KHDRBS2: variants seen among roughly 807,000 people sequenced by gnomAD.
KHDRBS2 encodes KH domain-containing, RNA-binding, signal transduction-associated protein 2.
Under a neutral mutation model 44.3 loss-of-function variants are expected in KHDRBS2, and 26 were observed. That is an observed-to-expected ratio of 0.59 (90% CI 0.43 to 0.81). KHDRBS2 has a LOEUF of 0.81. Among genes scored for constraint, KHDRBS2 ranks in the 40% least tolerant of loss-of-function variants. The probability of loss-of-function intolerance (pLI) is 0.00; values close to 1 mark genes in which losing one functional copy is unlikely to be tolerated. For synonymous variants in KHDRBS2, 194 were observed against 151.1 expected (o/e 1.28, Z -2.08); for missense variants, 476 against 433.1 (o/e 1.10, Z -0.88).
intron 6 of KHDRBS2, among the ~76,000 whole-genome samples, chr6:61,809,411 C>A (rs1787740971): frequency 6.6e-6 from 1 of 152,098 alleles, no homozygotes; most frequent in Non-Finnish European, 1.5e-5. Context: ...ACTTGGGCAA[C>A]TTTTCATGCA....
At chr6:61,800,413 G>T (rs964879097) in intron 6 of KHDRBS2, among the ~76,000 whole-genome samples, 1 of 152,024 alleles carries the variant, frequency 6.6e-6, no homozygotes, top group African/African-American at 2.4e-5. Context: ...TTATGTCTTG[G>T]TTCTCCAAGT....
chr6:61,877,010 G>T (rs558836320), intron 6 of KHDRBS2, among the ~76,000 whole-genome samples: 1 of 152,070 alleles, frequency 6.6e-6, no homozygotes, highest in South Asian at 2.1e-4. Context: ...CTTGCCACCT[G>T]TTTTCATAAA....
At chr6:61,936,309 C>G (rs1428025090) in intron 4 of KHDRBS2, among the ~76,000 whole-genome samples, 1 of 152,042 alleles carries the variant, frequency 6.6e-6, no homozygotes, top group Non-Finnish European at 1.5e-5. Flanking sequence ...AACAGGCAAA[C>G]TGGCTTCAAA....
At chr6:61,561,734 C>T in the KHDRBS2 span, among the ~76,000 whole-genome samples, 11 of 152,132 alleles carry the variant, frequency 7.2e-5, no homozygotes, top group Admixed American at 7.2e-4. Context: ...GGTACTTACC[C>T]CTCAGGGCAG....
At chr6:62,094,498 T>A (rs1800151166) in intron 2 of KHDRBS2, among the ~76,000 whole-genome samples, 1 of 151,960 alleles carries the variant, frequency 6.6e-6, no homozygotes, top group Admixed American at 6.6e-5. Flanking sequence ...CTCTTTGCTC[T>A]GTTGATTATT....
In KHDRBS2 at chr6:61,684,280, C is replaced by T. The variant is rs112228063; in HGVS notation, c.953-3220G>A. ...TCATTGCTCACCAGCGATATTTAGG[C>T]CTCTGGATTTCTTCACTGCAAGTAC... On this transcript the variant is annotated intron_variant, in intron 8 of 8. Coordinates refer to ENST00000281156, the MANE Select transcript of KHDRBS2 (RefSeq NM_152688.4). Among the ~76,000 whole-genome samples, 504 of 151,940 alleles carry T rather than the reference C, an allele frequency of 3.3e-3. 6 individuals are homozygous for T. The highest frequency in any genetic ancestry group is 0.012 in the African/African-American group (487 of 41,508).
At chr6:61,829,307 G>A (rs568809327) in intron 6 of KHDRBS2, among the ~76,000 whole-genome samples, 8 of 152,124 alleles carry the variant, frequency 5.3e-5, no homozygotes, top group Admixed American at 2.6e-4. Context: ...GACTACAGGC[G>A]CCCACCGCCA....
chr6:62,033,055 G>GA lies in KHDRBS2; in HGVS notation c.336+14822dup, dbSNP rs1255265530. 2.6e-5 allele frequency among the ~76,000 whole-genome samples: 4 copies of GA among 151,830 alleles called. No individual in the cohort carries two copies. The East Asian group carries it at 7.8e-4, about 30-fold the overall frequency. ...ATGAATCAAGCAGAATTCTGGAGTT[G>GA]AAAAATGTAACTGGCATACTAAAGA... On this transcript the variant is annotated intron_variant, in intron 3 of 8. Transcript: ENST00000281156.
rs41273299 is a variant in KHDRBS2 at position 61,732,870 on chromosome 6, G to A, written c.811-106C>T. ...AATGTGATCTTGGTTTAGATTTCATGTTGGGTAAGTATCCATATATCACAT... is the reference window on the plus strand; with the variant it reads ...AATGTGATCTTGGTTTAGATTTCATATTGGGTAAGTATCCATATATCACAT... On this transcript the variant is annotated intron_variant, in intron 6 of 8. Coordinates refer to ENST00000281156, the MANE Select transcript of KHDRBS2 (RefSeq NM_152688.4). The A allele has an allele frequency of 7.4e-3, 5,197 of 699,990 alleles. 24 individuals carry two copies. Among genetic ancestry groups the A allele is most frequent in the Non-Finnish European group, 1.0e-2 (3,822 of 382,406 alleles). 43.4% of individuals were successfully genotyped at this position (699,990 alleles called of 1,614,324 possible).
At chr6:62,199,069 G>T (rs1826327928) in intron 1 of KHDRBS2, among the ~76,000 whole-genome samples, 2 of 152,098 alleles carry the variant, frequency 1.3e-5, no homozygotes, top group African/African-American at 4.8e-5. Context: ...AATAACTTAG[G>T]TATTAATGGG....
rs1010452396 is a variant in KHDRBS2, at chr6:61,843,373, T to A, written c.810+51262A>T. 1.1e-3 allele frequency among the ~76,000 whole-genome samples: 147 copies of A among 139,934 alleles called. 1 individual carries two copies. Among genetic ancestry groups the A allele is most frequent in the African/African-American group, 3.6e-3 (135 of 37,778 alleles). The allele number at this position is 139,934 out of a possible 152,430, so 91.8% of individuals were successfully genotyped here. On this transcript the variant is annotated intron_variant, in intron 6 of 8. Transcript: ENST00000281156. ...TTATTATTATTATTATTATTATTAT[T>A]ATATTTTGAGACAATCTCACTCCCT... is the stretch of plus-strand genomic sequence containing the variant.
intron 6 of KHDRBS2, among the ~76,000 whole-genome samples, chr6:61,786,129 A>G (rs1369605235): frequency 6.6e-6 from 1 of 152,060 alleles, no homozygotes; most frequent in Non-Finnish European, 1.5e-5. Flanking sequence ...AGTGTAAACA[A>G]TGCTAGCCTT....
intron 7 of KHDRBS2, among the ~76,000 whole-genome samples, chr6:61,723,830 A>G (rs1166172871): frequency 6.6e-6 from 1 of 152,204 alleles, no homozygotes; most frequent in Non-Finnish European, 1.5e-5. Flanking sequence ...ATTTAAAGAG[A>G]GCAGACCTAT....
At chr6:61,655,662 C>T in the KHDRBS2 span, among the ~76,000 whole-genome samples, 4 of 152,126 alleles carry the variant, frequency 2.6e-5, no homozygotes, top group Non-Finnish European at 5.9e-5. Flanking sequence ...TTTAATTTGG[C>T]TAGAAATGCT....
At position 61,917,995 on chromosome 6, in the gene KHDRBS2, C is replaced by T. The variant is rs147166771; in HGVS notation, c.484-16624G>A. Among the ~76,000 whole-genome samples, 10 of 152,018 alleles carry T rather than the reference C, an allele frequency of 6.6e-5. No homozygotes were observed. In the East Asian group the frequency reaches 1.9e-3, roughly 29 times the overall value. The stretch of plus-strand genomic sequence containing the variant: ...GCTCCTCCATATACATTTCTGATCT[C>T]CAAAGAGCCCTAAGTGCATCTAAAC... On this transcript the variant is annotated intron_variant, in intron 4 of 8. Transcript: ENST00000281156.
chr6:61,971,873 C>A (rs1285711843), intron 4 of KHDRBS2, among the ~76,000 whole-genome samples: 3 of 152,112 alleles, frequency 2.0e-5, no homozygotes, highest in Non-Finnish European at 2.9e-5. Flanking sequence ...TAATCTTTAT[C>A]TTTTACATTT....
At chr6:61,758,461 G>T (rs1054881251) in intron 6 of KHDRBS2, among the ~76,000 whole-genome samples, 2 of 151,360 alleles carry the variant, frequency 1.3e-5, no homozygotes, top group African/African-American at 4.9e-5. Context: ...CTTTATTTCT[G>T]TCCCCATGGC....
intron 4 of KHDRBS2, among the ~76,000 whole-genome samples, chr6:61,947,572 C>T (rs1813622731): frequency 6.6e-6 from 1 of 151,954 alleles, no homozygotes; most frequent in Admixed American, 6.6e-5. Flanking sequence ...GCCAAGAATC[C>T]TTGACAGAGG....
chr6:61,580,644 C>T, the KHDRBS2 span, among the ~76,000 whole-genome samples: 2 of 151,994 alleles, frequency 1.3e-5, no homozygotes, highest in Admixed American at 1.3e-4. Flanking sequence ...GACAAACAAA[C>T]AACTCCAGAC....
Sources: allele counts gnomAD v4.1 joint callset (sites outside exome capture counted in the v4.1 genomes callset), GRCh38; gene constraint gnomAD v4.1.1; transcripts MANE v1.5; gene names NCBI Gene and HGNC (gene_info 2026-07-23, HGNC 2026-07-21).